DNAH12: variants seen among roughly 807,000 people sequenced by gnomAD.
DNAH12 encodes the protein axonemal beta dynein heavy chain 12.
A neutral mutation model predicts 371.5 loss-of-function variants in DNAH12; 285 were observed. That is an observed-to-expected ratio of 0.77 (90% CI 0.70 to 0.85). The LOEUF (loss-of-function observed/expected upper bound fraction) is 0.85, where lower values mean the gene tolerates loss of function less well. DNAH12 is among the 40% of genes least tolerant of loss of function. The pLI is 0.00. For missense variants in DNAH12, 3,611 were observed against 3,689.4 expected (o/e 0.98, Z 0.55); for synonymous variants, 1,200 against 1,213.0 (o/e 0.99, Z 0.22).
chr3:57,487,144 G>A (rs1043635826), intron 12 of DNAH12, among the ~76,000 whole-genome samples: 1 of 151,786 alleles, frequency 6.6e-6, no homozygotes, highest in Non-Finnish European at 1.5e-5. Flanking sequence ...CAGAAATACA[G>A]GAGGAATGTG....
chr3:57,307,285 A>C (rs1438056116), intron 69 of DNAH12, among the ~76,000 whole-genome samples: 1 of 152,176 alleles, frequency 6.6e-6, no homozygotes, highest in Non-Finnish European at 1.5e-5. Context: ...AAGGAAACCT[A>C]GCTGACCCCA....
chr3:57,348,452 G>A (rs1383375969), intron 60 of DNAH12, among the ~76,000 whole-genome samples: 3 of 152,092 alleles, frequency 2.0e-5, no homozygotes. Flanking sequence ...AAATTGATAG[G>A]TGTATAATAC....
Position 57,446,068 on chromosome 3 carries a change from C to G in DNAH12, c.4142G>C (p.Gly1381Ala), listed in dbSNP as rs781717852. Reference sequence around the variant, plus strand: ...CGGCAATTCAGAGCGTCCTGCATAGCCAGGATTCATGGTAATAGCTACAAA... The same window carrying G: ...CGGCAATTCAGAGCGTCCTGCATAGGCAGGATTCATGGTAATAGCTACAAA... ...NCFVAITMNP[G>A]YAGRSELPDN... Residue 1381 changes from glycine (G) to alanine (A), a missense_variant, in exon 27 of 74, where the codon GGC becomes GCC. Around this residue, in one of 3 missense-constraint regions of DNAH12, gnomAD observed 2,266 missense variants for 2,236.9 expected, o/e 1.01. Coordinates refer to ENST00000495027, the MANE Select transcript of DNAH12 (RefSeq NM_001366028.2). The G allele has an allele frequency of 8.4e-5, 130 of 1,551,568 alleles. 3 individuals carry two copies. In the South Asian group the frequency reaches 1.4e-3, roughly 17 times the overall value.
chr3:57,301,704 A>G, intron 70 of DNAH12, 31 bp downstream of exon 70: 1 of 1,507,972 alleles, frequency 6.6e-7, no homozygotes, highest in Non-Finnish European at 9.0e-7. Flanking sequence ...ACACACACAC[A>G]CACACACACA....
At chr3:57,375,025 T>C (rs2063255150) in intron 55 of DNAH12, among the ~76,000 whole-genome samples, 1 of 152,148 alleles carries the variant, frequency 6.6e-6, no homozygotes, top group South Asian at 2.1e-4. Context: ...TAGAACTCAC[T>C]GAATGGTATG....
At chr3:57,502,294 T>C in intron 10 of DNAH12, 29 bp downstream of exon 10, 2 of 1,606,136 alleles carry the variant, frequency 1.2e-6, no homozygotes, top group Non-Finnish European at 8.5e-7. Flanking sequence ...TGATGACAAA[T>C]GGTATAATAT....
chr3:57,437,184 A>G, intron 29 of DNAH12, 124 bp from the exon 30 acceptor site: 1 of 682,918 alleles, frequency 1.5e-6, no homozygotes, highest in Non-Finnish European at 2.4e-6. Flanking sequence ...ATTATTTCTT[A>G]AAACTTTATT....
rs561978907 is a variant in DNAH12, at chr3:57,323,697, A to G, written c.9979-78T>C. On this transcript the variant is annotated intron_variant, in intron 62 of 73. Coordinates refer to ENST00000495027, the MANE Select transcript of DNAH12 (RefSeq NM_001366028.2). ...GATATGAATATTATTGAAAAACAACAAAGAATACAATTTGAGCCTAATGGT... is the reference window on the plus strand; with the variant it reads ...GATATGAATATTATTGAAAAACAACGAAGAATACAATTTGAGCCTAATGGT... 144 of 1,374,434 alleles carry G rather than the reference A, an allele frequency of 1.0e-4. 2 individuals are homozygous for G. The South Asian group carries it at 2.5e-3, about 24-fold the overall frequency. 85.1% of individuals were successfully genotyped at this position (1,374,434 alleles called of 1,614,324 possible). A position where few individuals can be genotyped will look rare whatever the true frequency, so the allele number is the denominator to read the frequency against.
chr3:57,540,547 C>T (rs1055194802), intron 2 of DNAH12, among the ~76,000 whole-genome samples: 1 of 152,124 alleles, frequency 6.6e-6, no homozygotes, highest in Non-Finnish European at 1.5e-5. Flanking sequence ...AATTGCAGAG[C>T]GTATCTCTAA....
chr3:57,341,408 A>C (rs1001508642), intron 60 of DNAH12, among the ~76,000 whole-genome samples: 2 of 152,188 alleles, frequency 1.3e-5, no homozygotes, highest in East Asian at 3.9e-4. Context: ...GTTGCAGGAT[A>C]TAGATATCAA....
chr3:57,350,483 A>G (rs755229533), intron 60 of DNAH12, among the ~76,000 whole-genome samples: 7 of 152,170 alleles, frequency 4.6e-5, no homozygotes, highest in Non-Finnish European at 1.0e-4. Context: ...TGCATGGTAA[A>G]AATGTAAAAT....
At chr3:57,395,971 A>G (rs1189999335) in intron 43 of DNAH12, among the ~76,000 whole-genome samples, 1 of 151,526 alleles carries the variant, frequency 6.6e-6, no homozygotes, top group Non-Finnish European at 1.5e-5. Flanking sequence ...CTTATTTTAA[A>G]TTAAAAATTT....
At chr3:57,366,016 T>C (rs922852338) in intron 57 of DNAH12, among the ~76,000 whole-genome samples, 3 of 152,124 alleles carry the variant, frequency 2.0e-5, no homozygotes, top group Admixed American at 6.6e-5. Flanking sequence ...GTGGGTAAAA[T>C]GTGATTAAAA....
At chr3:57,468,268 T>C (rs1489267670) in intron 17 of DNAH12, among the ~76,000 whole-genome samples, 1 of 152,162 alleles carries the variant, frequency 6.6e-6, no homozygotes, top group African/African-American at 2.4e-5. Flanking sequence ...CCTAGGAGTC[T>C]GAGGCTGCAG....
At chr3:57,339,392 A>G (rs1211328303) in intron 60 of DNAH12, among the ~76,000 whole-genome samples, 1 of 151,812 alleles carries the variant, frequency 6.6e-6, no homozygotes, top group African/African-American at 2.4e-5. Context: ...AAAAAAAAAA[A>G]AAAAGAAAGA....
chr3:57,516,051 G>GTTTTT (rs1400729891), intron 4 of DNAH12, among the ~76,000 whole-genome samples: 3 of 60,220 alleles, frequency 5.0e-5, no homozygotes, highest in African/African-American at 1.3e-4. Flanking sequence ...GTACTGCTTA[G>GTTTTT]TCTTTTTTTT....
At chr3:57,405,484 T>C (rs2063995699) in intron 41 of DNAH12, among the ~76,000 whole-genome samples, 169 bp downstream of exon 41, 1 of 152,216 alleles carries the variant, frequency 6.6e-6, no homozygotes, top group African/African-American at 2.4e-5. Context: ...ATAACTTCTA[T>C]GTTACATACT....
intron 2 of DNAH12, among the ~76,000 whole-genome samples, chr3:57,532,662 TC>T (rs2068892469): frequency 6.6e-6 from 1 of 152,230 alleles, no homozygotes; most frequent in Non-Finnish European, 1.5e-5. Flanking sequence ...TTGGTTTTTT[TC>T]CCCTTACTCT....
intron 37 of DNAH12, among the ~76,000 whole-genome samples, chr3:57,417,729 C>G (rs1180739592): frequency 6.6e-6 from 1 of 152,046 alleles, no homozygotes; most frequent in East Asian, 1.9e-4. Flanking sequence ...ATTCCTTCTT[C>G]AAAGGTATTA....
Sources: allele counts gnomAD v4.1 joint callset (sites outside exome capture counted in the v4.1 genomes callset), GRCh38; gene constraint gnomAD v4.1.1; regional missense constraint gnomAD v4.1.1; transcripts MANE v1.5; gene names NCBI Gene and HGNC (gene_info 2026-07-23, HGNC 2026-07-21).